Variants in CNTN5 observed in about 807,000 individuals in gnomAD.
CNTN5 encodes contactin-5.
A neutral mutation model predicts 129.1 loss-of-function variants in CNTN5; 77 were observed. That is an observed-to-expected ratio of 0.60 (90% CI 0.50 to 0.72). The LOEUF is 0.72. Among genes scored for constraint, CNTN5 ranks in the 30% least tolerant of loss-of-function variants. CNTN5 has a pLI of 0.00. For synonymous variants in CNTN5, 509 were observed against 465.6 expected, an observed-to-expected ratio of 1.09 and a Z score of -1.20; for missense variants, 1,478 against 1,328.8, an observed-to-expected ratio of 1.11 and a Z score of -1.75.
At chr11:99,529,224 A>G (rs566146970) in intron 2 of CNTN5, among the ~76,000 whole-genome samples, 1 of 152,240 alleles carries the variant, frequency 6.6e-6, no homozygotes, top group South Asian at 2.1e-4. Context: ...TCCCCACCTG[A>G]TCCACTCAGG....
At chr11:100,039,676 T>A (rs1417429337) in intron 9 of CNTN5, among the ~76,000 whole-genome samples, 1 of 152,172 alleles carries the variant, frequency 6.6e-6, no homozygotes, top group Non-Finnish European at 1.5e-5. Flanking sequence ...TTCTTTTTGT[T>A]CTTTTTTCTC....
At chr11:99,901,391 A>T (rs1159242003) in intron 6 of CNTN5, among the ~76,000 whole-genome samples, 1 of 152,038 alleles carries the variant, frequency 6.6e-6, no homozygotes, top group African/African-American at 2.4e-5. Flanking sequence ...ACTGGGTTCA[A>T]ATGGTTCTCC....
chr11:100,159,291 G>C (rs1947360689), intron 13 of CNTN5, among the ~76,000 whole-genome samples: 1 of 151,710 alleles, frequency 6.6e-6, no homozygotes, highest in African/African-American at 2.4e-5. Context: ...CAATGTTCTA[G>C]CTCCTCACCT....
At chr11:99,105,264 C>T (rs1866940897) in intron 1 of CNTN5, among the ~76,000 whole-genome samples, 1 of 152,022 alleles carries the variant, frequency 6.6e-6, no homozygotes, top group Non-Finnish European at 1.5e-5. Flanking sequence ...AAAAAGTAAT[C>T]ACGCTATAGT....
At chr11:100,184,093 CT>C (rs1300195622) in intron 13 of CNTN5, among the ~76,000 whole-genome samples, 2 of 152,168 alleles carry the variant, frequency 1.3e-5, no homozygotes, top group Non-Finnish European at 2.9e-5. Flanking sequence ...GACTTAACTA[CT>C]TCCGTAAATA....
intron 3 of CNTN5, among the ~76,000 whole-genome samples, chr11:99,614,884 C>T (rs1950711218): frequency 1.3e-5 from 2 of 151,956 alleles, no homozygotes; most frequent in South Asian, 2.1e-4. Flanking sequence ...ATAATCCTTA[C>T]GATGAACTTT....
At chr11:99,701,275 G>T (rs1954507619) in intron 3 of CNTN5, among the ~76,000 whole-genome samples, 1 of 151,170 alleles carries the variant, frequency 6.6e-6, no homozygotes, top group Admixed American at 6.6e-5. Flanking sequence ...TGGAAGAGAT[G>T]GAACCTGAGA....
At chr11:99,986,931 A>G (rs919879919) in intron 8 of CNTN5, among the ~76,000 whole-genome samples, 8 of 152,240 alleles carry the variant, frequency 5.3e-5, no homozygotes, top group African/African-American at 1.7e-4. Flanking sequence ...GAACTTGATA[A>G]TTGACTGATT....
chr11:99,647,476 C>T (rs1048387726), intron 3 of CNTN5, among the ~76,000 whole-genome samples: 2 of 151,868 alleles, frequency 1.3e-5, no homozygotes, highest in Non-Finnish European at 2.9e-5. Flanking sequence ...TAGTCTCATA[C>T]TTTCAGTCTT....
intron 18 of CNTN5, among the ~76,000 whole-genome samples, chr11:100,279,123 T>G (rs1481719878): frequency 6.6e-6 from 1 of 152,038 alleles, no homozygotes. Context: ...TTGTGTATGT[T>G]GAATTTGCCT....
chr11:99,085,658 G>C (rs1591167038), intron 1 of CNTN5, among the ~76,000 whole-genome samples: 1 of 152,048 alleles, frequency 6.6e-6, no homozygotes, highest in South Asian at 2.1e-4. Context: ...TGTTATTTTG[G>C]AATACCATTT....
chr11:99,692,392 T>A (rs1412488183), intron 3 of CNTN5, among the ~76,000 whole-genome samples: 2 of 152,312 alleles, frequency 1.3e-5, no homozygotes, highest in East Asian at 3.9e-4. Context: ...TTCTTTTCCG[T>A]GTTTAGTGCT....
rs567313334 is a variant in CNTN5, at chr11:100,156,961, T to G, written c.1581-34165T>G. ...CCAGCTCCTGGATTCACAGATTTTT[T>G]GAAGTTTTTCGTGTGTGTGTCTCTG... On this transcript the variant is annotated intron_variant, in intron 13 of 24. Transcript: ENST00000524871. Among the ~76,000 whole-genome samples, 16 of 152,142 alleles carry G rather than the reference T, an allele frequency of 1.1e-4. 1 individual carries two copies. The South Asian group carries it at 2.9e-3, about 28-fold the overall frequency.
chr11:99,262,961 A>T (rs1862710988), intron 1 of CNTN5, among the ~76,000 whole-genome samples: 2 of 151,648 alleles, frequency 1.3e-5, no homozygotes, highest in East Asian at 1.9e-4. Context: ...GAATATTATA[A>T]CTCTCTTTTC....
intron 4 of CNTN5, 132 bp from the exon 5 acceptor site, chr11:99,844,720 C>A: frequency 1.3e-6 from 1 of 776,144 alleles, no homozygotes; most frequent in Non-Finnish European, 2.0e-6. Flanking sequence ...GCTATTCCTT[C>A]TTTTGGGAAT....
intron 13 of CNTN5, among the ~76,000 whole-genome samples, chr11:100,143,253 C>T (rs764377434): frequency 1.3e-4 from 20 of 151,986 alleles, no homozygotes; most frequent in South Asian, 2.1e-4. Context: ...GCTTCATTGA[C>T]GACATCTATA....
intron 7 of CNTN5, among the ~76,000 whole-genome samples, chr11:99,953,612 A>G (rs1364864818): frequency 6.7e-6 from 1 of 148,204 alleles, no homozygotes; most frequent in Admixed American, 6.8e-5. Context: ...AGTAGACCCT[A>G]AAGTCTAAAA....
intron 13 of CNTN5, among the ~76,000 whole-genome samples, chr11:100,089,976 A>G (rs1944694953): frequency 6.6e-6 from 1 of 152,176 alleles, no homozygotes. Flanking sequence ...TGACAGGTGC[A>G]GCAAACCACC....
chr11:99,690,631 T>A, intron 3 of CNTN5, among the ~76,000 whole-genome samples: 1 of 152,114 alleles, frequency 6.6e-6, no homozygotes, highest in Non-Finnish European at 1.5e-5. Flanking sequence ...CTTGTTTGTG[T>A]CATCTCTAAT....
Sources: gnomAD v4.1 joint callset for allele counts (sites outside exome capture counted in the v4.1 genomes callset) on GRCh38, gnomAD v4.1.1 for gene constraint, MANE v1.5 for transcripts, NCBI Gene and HGNC (gene_info 2026-07-23, HGNC 2026-07-21) for gene names.